Variants in SLC35D4 observed in about 807,000 individuals in gnomAD.
SLC35D4 encodes the protein solute carrier family 35 member D4.
chr18:23,399,603 C>T, the SLC35D4 span: 1 of 1,613,948 alleles, frequency 6.2e-7, no homozygotes. Context: ...ATAGATTATA[C>T]CCACAAACAG....
chr18:23,265,556 CAAAA>C, the SLC35D4 span, among the ~76,000 whole-genome samples: 4 of 98,362 alleles, frequency 4.1e-5, no homozygotes, highest in Admixed American at 1.1e-4. Flanking sequence ...ACATGGCTCT[CAAAA>C]AAAAAAAAAA....
chr18:23,254,365 T>C, the SLC35D4 span, among the ~76,000 whole-genome samples: 2 of 152,206 alleles, frequency 1.3e-5, no homozygotes, highest in Non-Finnish European at 2.9e-5. Flanking sequence ...AGGTGGTATC[T>C]CTTTTCTTTA....
At chr18:23,369,137 G>T in the SLC35D4 span, among the ~76,000 whole-genome samples, 2 of 152,158 alleles carry the variant, frequency 1.3e-5, no homozygotes, top group African/African-American at 2.4e-5. Context: ...AAAATTATTC[G>T]AGGCTTATCT....
chr18:23,338,739 G>A, the SLC35D4 span, among the ~76,000 whole-genome samples: 3 of 152,088 alleles, frequency 2.0e-5, no homozygotes, highest in East Asian at 5.8e-4. Flanking sequence ...TGTCCCCCCG[G>A]GTCCTTGACT....
chr18:23,333,719 G>A, the SLC35D4 span, among the ~76,000 whole-genome samples: 1 of 152,200 alleles, frequency 6.6e-6, no homozygotes, highest in Non-Finnish European at 1.5e-5. Flanking sequence ...AGAAGGCAAG[G>A]CACAGGTAGC....
the SLC35D4 span, among the ~76,000 whole-genome samples, chr18:23,261,925 C>T: frequency 1.3e-5 from 2 of 152,184 alleles, no homozygotes; most frequent in Non-Finnish European, 2.9e-5. Context: ...TATGCCATCT[C>T]TCACCACCAT....
At chr18:23,427,167 T>C in the SLC35D4 span, among the ~76,000 whole-genome samples, 2 of 152,068 alleles carry the variant, frequency 1.3e-5, no homozygotes, top group Non-Finnish European at 2.9e-5. Context: ...AATTGACAAA[T>C]GGGATCTGAT....
At chr18:23,268,088 C>A in the SLC35D4 span, among the ~76,000 whole-genome samples, 1 of 152,160 alleles carries the variant, frequency 6.6e-6, no homozygotes, top group Non-Finnish European at 1.5e-5. Context: ...AGAGAGCAGG[C>A]CTTTTATCTT....
chr18:23,411,458 A>T, the SLC35D4 span, among the ~76,000 whole-genome samples: 1 of 149,926 alleles, frequency 6.7e-6, no homozygotes, highest in Admixed American at 6.7e-5. Flanking sequence ...AGGATAAAGA[A>T]AGAAAGAAAA....
the SLC35D4 span, among the ~76,000 whole-genome samples, chr18:23,359,684 A>G: frequency 6.6e-6 from 1 of 152,332 alleles, no homozygotes; most frequent in South Asian, 2.1e-4. Context: ...AGCAGTAATT[A>G]GTGCTGCTTG....
chr18:23,312,042 T>A, the SLC35D4 span, among the ~76,000 whole-genome samples: 1 of 152,240 alleles, frequency 6.6e-6, no homozygotes. Flanking sequence ...ACCCAACTTG[T>A]CATTTCTATG....
the SLC35D4 span, among the ~76,000 whole-genome samples, chr18:23,410,734 C>T: frequency 1.3e-5 from 2 of 151,648 alleles, no homozygotes; most frequent in South Asian, 4.2e-4. Flanking sequence ...GAGGCAGAGG[C>T]TACAGTGGGC....
the SLC35D4 span, among the ~76,000 whole-genome samples, chr18:23,279,819 T>A: frequency 1.3e-5 from 2 of 152,028 alleles, no homozygotes; most frequent in South Asian, 4.2e-4. Context: ...ATTTAATATC[T>A]CACACACACA....
chr18:23,375,806 C>A, the SLC35D4 span, among the ~76,000 whole-genome samples: 2 of 152,134 alleles, frequency 1.3e-5, no homozygotes, highest in Non-Finnish European at 2.9e-5. Context: ...AGTAACACTG[C>A]CAAACACAGA....
the SLC35D4 span, chr18:23,298,015 T>A: frequency 6.2e-7 from 1 of 1,613,452 alleles, no homozygotes; most frequent in South Asian, 1.1e-5. Flanking sequence ...GTTCAGGAGC[T>A]CTTCCGCTCT....
At chr18:23,379,886 A>G in the SLC35D4 span, among the ~76,000 whole-genome samples, 6 of 152,110 alleles carry the variant, frequency 3.9e-5, no homozygotes, top group Non-Finnish European at 8.8e-5. Context: ...ACTTGAGGTC[A>G]GGTGTTCAAG....
At chr18:23,421,455 C>T in the SLC35D4 span, 2 of 1,613,858 alleles carry the variant, frequency 1.2e-6, no homozygotes, top group South Asian at 2.2e-5. Context: ...CTGGAAAGGA[C>T]AAGGGGCAAT....
the SLC35D4 span, among the ~76,000 whole-genome samples, chr18:23,317,463 A>C: frequency 6.6e-6 from 1 of 152,212 alleles, no homozygotes; most frequent in Non-Finnish European, 1.5e-5. Context: ...CATGTACTGC[A>C]CCATTTTACA....
the SLC35D4 span, among the ~76,000 whole-genome samples, chr18:23,293,283 T>C: frequency 2.0e-5 from 3 of 152,076 alleles, no homozygotes; most frequent in Non-Finnish European, 4.4e-5. Context: ...AAATCAGCCA[T>C]GACCAACAGA....
Sources: allele counts gnomAD v4.1 joint callset (sites outside exome capture counted in the v4.1 genomes callset), GRCh38; gene constraint gnomAD v4.1.1; transcripts MANE v1.5; gene names NCBI Gene and HGNC (gene_info 2026-07-23, HGNC 2026-07-21).